PLEKHG4: variants seen among roughly 807,000 people sequenced by gnomAD.
PLEKHG4 encodes the protein puratrophin-1.
Under a neutral mutation model 136.9 loss-of-function variants are expected in PLEKHG4, and 85 were observed. That is an observed-to-expected ratio of 0.62 (90% CI 0.52 to 0.74). The LOEUF is 0.74. Ranked by LOEUF, PLEKHG4 falls within the 30% of genes least tolerant of loss-of-function variation. The pLI, the probability that PLEKHG4 is intolerant of heterozygous loss-of-function variation, is 0.00. For missense variants in PLEKHG4, 1,317 were observed against 1,527.8 expected (o/e 0.86, Z 2.30); for synonymous variants, 577 against 646.9 (o/e 0.89, Z 1.64).
In PLEKHG4 at chr16:67,284,363, C is replaced by T. The variant is rs750714179; in HGVS notation, c.1598C>T (p.Ala533Val). 6.2e-7 allele frequency: 1 copy of T among 1,614,032 alleles called. No individual in the cohort carries two copies. The highest frequency in any genetic ancestry group is 1.1e-5 in the South Asian group (1 of 91,078). Residue 533 changes from alanine (A) to valine (V), a missense_variant, in exon 12 of 22, where the codon GCC (alanine) becomes GTC (valine). Coordinates refer to ENST00000379344, the MANE Select transcript of PLEKHG4 (RefSeq NM_001129729.3). This position sits in a 1 kb window ranked among gnomAD's most constrained non-coding sequence, Gnocchi z 4.4. ...GACCCCCCTGGGGCACGCTTTCTGGCCCTGCGAGCCCAGCTGACTGAATTC... is the reference window on the plus strand; with the variant it reads ...GACCCCCCTGGGGCACGCTTTCTGGTCCTGCGAGCCCAGCTGACTGAATTC... ...ELDPPGARFLALRAQLTEFSR... is the reference protein window; with the variant it reads ...ELDPPGARFLVLRAQLTEFSR...
chr16:67,288,734 C>T (rs1207487233), intron 21 of PLEKHG4, 69 bp from the exon 22 acceptor site: 8 of 1,605,346 alleles, frequency 5.0e-6, no homozygotes, highest in East Asian at 2.2e-5. Context: ...TGGGCCAGAG[C>T]CATTCCCCAG....
chr16:67,282,571 A>G lies in PLEKHG4; in HGVS notation c.1322A>G (p.Gln441Arg), dbSNP rs953445487. 1.9e-6 allele frequency: 3 copies of G among 1,614,020 alleles called. No individual in the cohort carries two copies. Among genetic ancestry groups the G allele is most frequent in the Non-Finnish European group, 2.5e-6 (3 of 1,180,048 alleles). The change falls in exon 10 of 22, where the codon CAG (glutamine) becomes CGG (arginine). Residue 441 changes from glutamine to arginine, a missense_variant. Coordinates refer to ENST00000379344, the MANE Select transcript of PLEKHG4 (RefSeq NM_001129729.3). Reference sequence around the variant, plus strand: ...GGATTGCTGCACCAACTGACCCTGCAGAGCAACCAGCGAATACAGGCCCTA... The same window carrying G: ...GGATTGCTGCACCAACTGACCCTGCGGAGCAACCAGCGAATACAGGCCCTA... ...VDGLLHQLTL[Q>R]SNQRIQALEL... is the part of the protein sequence containing the mutation.
intron 18 of PLEKHG4, chr16:67,287,606 TG>T (rs2036535142): frequency 5.8e-6 from 3 of 520,936 alleles, no homozygotes; most frequent in Non-Finnish European, 1.0e-5. Context: ...TTGCCCAGAC[TG>T]GTCTTGAACT....
chr16:67,285,557 G>A, intron 14 of PLEKHG4, 21 bp downstream of exon 14: 1 of 1,602,732 alleles, frequency 6.2e-7, no homozygotes, highest in East Asian at 2.2e-5. Context: ...CAGGCCATGT[G>A]GTATCAGCTC....
rs898899137 is a variant in PLEKHG4, at chr16:67,285,356, T to G, written c.2262T>G (p.Thr754=). Residue 754 remains threonine, a synonymous_variant, in exon 14 of 22, where the codon ACT becomes ACG. Coordinates refer to ENST00000379344, the MANE Select transcript of PLEKHG4 (RefSeq NM_001129729.3). ...AGTATGTCCGGGCTCTAGAGTACAC[T>G]ATGGAGAACTATTTCCCCGAGCTGG... is the stretch of plus-strand genomic sequence containing the variant. ...EREYVRALEY[T]MENYFPELDR... 1 of 1,614,074 alleles carries G rather than the reference T, an allele frequency of 6.2e-7. No homozygotes were observed. The highest frequency in any genetic ancestry group is 8.5e-7 in the Non-Finnish European group (1 of 1,180,050).
At position 67,285,107 on chromosome 16, in the gene PLEKHG4, C is replaced by T. The variant is rs373097735; in HGVS notation, c.2087C>T (p.Ala696Val). 2.1e-5 allele frequency: 34 copies of T among 1,613,272 alleles called. 1 individual carries two copies. The highest frequency in any genetic ancestry group is 1.7e-4 in the Admixed American group (10 of 60,018). ...LSEPACHCHH[A>V]ATIAACRRPE... ...GAACCTGCCTGCCACTGCCACCATG[C>T]GGCCACTATTGCTGCCTGCCGCAGA... is the stretch of plus-strand genomic sequence containing the variant. The change falls in exon 13 of 22, where the codon GCG becomes GTG. Residue 696 changes from alanine to valine, a missense_variant. Physicochemically the swap from Ala to Val is moderately conservative, Grantham distance 64 (BLOSUM62 0). Coordinates refer to ENST00000379344, the MANE Select transcript of PLEKHG4 (RefSeq NM_001129729.3).
In PLEKHG4 at chr16:67,287,974, C is replaced by T. The variant is rs1210223036; in HGVS notation, c.3180C>T (p.Ala1060=). 1 of 1,613,374 alleles carries T rather than the reference C, an allele frequency of 6.2e-7. No individual in the cohort carries two copies. Among genetic ancestry groups the T allele is most frequent in the African/African-American group, 1.3e-5 (1 of 74,864 alleles). The change falls in exon 19 of 22, where the codon GCC becomes GCT. Residue 1060 remains alanine, a synonymous_variant. Transcript: ENST00000379344. ...GAGACATTGCTCCCAGCGAGGAAGC[C>T]ATCAACGACCGCACCGTCAACTATG... is the stretch of plus-strand genomic sequence containing the variant. ...AFRDIAPSEE[A]INDRTVNYVL... is the part of the protein sequence containing the mutation.
chr16:67,287,872 C>T (rs1284546399), intron 18 of PLEKHG4, 26 bp from the exon 19 acceptor site: 5 of 1,476,806 alleles, frequency 3.4e-6, no homozygotes, highest in Non-Finnish European at 4.7e-6. Flanking sequence ...CCAGAAGCAT[C>T]CCACTTATGT....
rs769349564 is a variant in PLEKHG4 at position 67,282,068 on chromosome 16, C to T, written c.1065C>T (p.Ile355=). The change falls in exon 8 of 22, where the codon ATC becomes ATT. Residue 355 remains isoleucine, a synonymous_variant. Transcript: ENST00000379344. ...CTTGTGCCCTGCTCCAGGGGGCCAT[C>T]GAAAGTGTGAAGGCTGTGCCCCAGC... The part of the protein sequence containing the change: ...QAACALLQGA[I]ESVKAVPQPM... 1.2e-6 allele frequency: 2 copies of T among 1,613,644 alleles called. No individual in the cohort carries two copies. The highest frequency in any genetic ancestry group is 1.7e-5 in the Admixed American group (1 of 60,022).
rs759691229 is a variant in PLEKHG4, at chr16:67,282,240, C to A, written c.1144C>A (p.Gln382Lys). 1 of 1,613,564 alleles carries A rather than the reference C, an allele frequency of 6.2e-7. No individual in the cohort carries two copies. The highest frequency in any genetic ancestry group is 8.5e-7 in the Non-Finnish European group (1 of 1,180,032). ...GCTACAGCAGACAGAGGTCCTGATG[C>A]AGCAGGTGCTAGACTCGCCATGGCT... ...QLLQQTEVLM[Q>K]QVLDSPWLAW... The change falls in exon 9 of 22, where the codon CAG (glutamine) becomes AAG (lysine). Residue 382 changes from glutamine to lysine, a missense_variant. Coordinates refer to ENST00000379344, the MANE Select transcript of PLEKHG4 (RefSeq NM_001129729.3).
chr16:67,279,949 C>T lies in PLEKHG4; in HGVS notation c.-96C>T, dbSNP rs1227322545. The T allele has an allele frequency of 4.7e-6, 6 of 1,290,286 alleles. No individual in the cohort carries two copies. Among genetic ancestry groups the T allele is most frequent in the East Asian group, 5.0e-5 (2 of 39,700 alleles). The allele number at this position is 1,290,286 out of a possible 1,614,324, so 79.9% of individuals were successfully genotyped here. ...CGGCCCATGCCCTTCGCCTGCATTG[C>T]CCACTGAGTCCCACTCGACTGTCTT... is the stretch of plus-strand genomic sequence containing the variant. On this transcript the variant is annotated 5_prime_UTR_variant, in exon 2 of 22. Coordinates refer to ENST00000379344, the MANE Select transcript of PLEKHG4 (RefSeq NM_001129729.3).
intron 18 of PLEKHG4, 32 bp downstream of exon 18, chr16:67,287,209 C>T (rs1405187189): frequency 1.9e-6 from 3 of 1,595,800 alleles, no homozygotes; most frequent in African/African-American, 1.3e-5. Flanking sequence ...ACGCCACACT[C>T]CCCTCACTGG....
At position 67,282,219 on chromosome 16, in the gene PLEKHG4, C is replaced by T. The variant is rs773431020; in HGVS notation, c.1123C>T (p.Gln375Ter). Reference sequence around the variant, plus strand: ...ATCACAGGAGGTCGGTCAGCTGCTACAGCAGACAGAGGTCCTGATGCAGCA... The same window carrying T: ...ATCACAGGAGGTCGGTCAGCTGCTATAGCAGACAGAGGTCCTGATGCAGCA... ...MEPGEVGQLL[Q>*]QTEVLMQQVL... Residue 375 changes from glutamine to a stop codon, truncating the protein, a stop_gained, in exon 9 of 22, where the codon CAG becomes TAG. Transcript: ENST00000379344. LOFTEE classifies it high-confidence loss of function. 1 of 1,613,600 alleles carries T rather than the reference C, an allele frequency of 6.2e-7. No individual in the cohort carries two copies. The highest frequency in any genetic ancestry group is 1.7e-5 in the Admixed American group (1 of 60,026).
chr16:67,287,453 G>A, intron 18 of PLEKHG4: 1 of 549,072 alleles, frequency 1.8e-6, no homozygotes. Context: ...AGGATGGCGT[G>A]CAGTGGCATG....
Position 67,281,608 on chromosome 16 carries a change from A to T in PLEKHG4, c.855A>T (p.Gly285=). ...CCGTGTACCAGGTGCTGCTAGTGGG[A>T]AGCACGCTGCTGAAGGAAGTGCCTT... ...PGAVYQVLLV[G]STLLKEVPSG... The change falls in exon 6 of 22, where the codon GGA becomes GGT. Residue 285 remains glycine, a synonymous_variant. Transcript: ENST00000379344. 1 of 1,613,918 alleles carries T rather than the reference A, an allele frequency of 6.2e-7. No individual in the cohort carries two copies. The highest frequency in any genetic ancestry group is 8.5e-7 in the Non-Finnish European group (1 of 1,179,944).
chr16:67,288,424 C>G (rs2036589141), intron 20 of PLEKHG4, 24 bp downstream of exon 20: 5 of 1,612,708 alleles, frequency 3.1e-6, no homozygotes, highest in Non-Finnish European at 4.2e-6. Flanking sequence ...TAGCCAGAGG[C>G]AGGAGGGCAT....
At position 67,280,372 on chromosome 16, in the gene PLEKHG4, T is replaced by A. The variant is rs1160701339; in HGVS notation, c.328T>A (p.Ser110Thr). 16 of 1,612,414 alleles carry A rather than the reference T, an allele frequency of 9.9e-6. No homozygotes were observed. In the South Asian group the frequency reaches 1.5e-4, roughly 15 times the overall value. Residue 110 changes from serine to threonine, a missense_variant, in exon 2 of 22, where the codon TCC (serine) becomes ACC (threonine). Transcript: ENST00000379344. The surrounding 1 kb of genome is among the most constrained non-coding windows in gnomAD (Gnocchi z 4.4). ...AGTGGAGAGTCTCCTATGCCCCATG[T>A]CCTCCCACCTCAGCTTGGCACAGGG... is the stretch of plus-strand genomic sequence containing the variant. ...SGVESLLCPM[S>T]SHLSLAQGES...
At position 67,280,170 on chromosome 16, in the gene PLEKHG4, C is replaced by T. The variant is rs139299064; in HGVS notation, c.126C>T (p.His42=). The change falls in exon 2 of 22, where the codon CAC becomes CAT. Residue 42 remains histidine (H), a synonymous_variant. Coordinates refer to ENST00000379344, the MANE Select transcript of PLEKHG4 (RefSeq NM_001129729.3). The surrounding 1 kb of genome is among the most constrained non-coding windows in gnomAD (Gnocchi z 4.4). ...WEEEEPASQM[H]VKDPGPPRPP... is the part of the protein sequence containing the mutation. Reference sequence around the variant, plus strand: ...AGGAGGAACCTGCTTCCCAGATGCACGTTAAGGACCCAGGTCCTCCAAGAC... The same window carrying T: ...AGGAGGAACCTGCTTCCCAGATGCATGTTAAGGACCCAGGTCCTCCAAGAC... The T allele has an allele frequency of 3.9e-5, 63 of 1,613,888 alleles. No homozygotes were observed. In the African/African-American group the frequency reaches 4.1e-4, roughly 11 times the overall value.
chr16:67,287,628 A>C, intron 18 of PLEKHG4: 1 of 545,564 alleles, frequency 1.8e-6, no homozygotes, highest in South Asian at 2.0e-5. Context: ...CCTGGGCTCA[A>C]ACAATCCTCC....
Sources: gnomAD v4.1 joint callset for allele counts on GRCh38, gnomAD v4.1.1 for gene constraint, Gnocchi (gnomAD v3.1) non-coding constraint, MANE v1.5 for transcripts, NCBI Gene and HGNC (gene_info 2026-07-23, HGNC 2026-07-21) for gene names.